Variants in AGBL4 observed in about 807,000 individuals in gnomAD.
AGBL4 encodes the protein AGBL carboxypeptidase 4, also known as cytosolic carboxypeptidase 6.
In AGBL4, 58 loss-of-function variants were observed where a neutral mutation model predicts 66.4. That is an observed-to-expected ratio of 0.87 (90% CI 0.71 to 1.09). AGBL4 has a LOEUF of 1.09. Among genes scored for constraint, AGBL4 ranks in the 50% least tolerant of loss-of-function variants. The pLI is 0.00. For missense variants in AGBL4, 579 were observed against 631.0 expected (o/e 0.92, Z 0.88); for synonymous variants, 234 against 222.9 (o/e 1.05, Z -0.44).
At chr1:49,916,852 C>T (rs1390917384) in intron 1 of AGBL4, among the ~76,000 whole-genome samples, 2 of 152,152 alleles carry the variant, frequency 1.3e-5, no homozygotes, top group East Asian at 3.8e-4. Flanking sequence ...AGGTTACCCA[C>T]AAAGGGAAGC....
intron 6 of AGBL4, among the ~76,000 whole-genome samples, chr1:48,770,184 T>G (rs1644742675): frequency 6.6e-6 from 1 of 152,232 alleles, no homozygotes. Flanking sequence ...TCCTCTGTGG[T>G]GCAAAACTGA....
chr1:49,675,338 T>C (rs1646558790), intron 3 of AGBL4, among the ~76,000 whole-genome samples: 1 of 152,098 alleles, frequency 6.6e-6, no homozygotes, highest in South Asian at 2.1e-4. Flanking sequence ...AAATACTGTA[T>C]ATTCTCATTT....
intron 1 of AGBL4, among the ~76,000 whole-genome samples, chr1:49,924,134 A>G (rs1652534582): frequency 6.6e-6 from 1 of 152,152 alleles, no homozygotes; most frequent in Admixed American, 6.6e-5. Flanking sequence ...AATACTATGC[A>G]TGCAGGGACA....
intron 5 of AGBL4, among the ~76,000 whole-genome samples, chr1:48,943,732 A>G (rs2148918333): frequency 6.6e-6 from 1 of 152,164 alleles, no homozygotes; most frequent in South Asian, 2.1e-4. Flanking sequence ...GAGGGGCACA[A>G]TGGGCTAACG....
intron 4 of AGBL4, among the ~76,000 whole-genome samples, chr1:49,154,282 G>T (rs998908437): frequency 6.6e-6 from 1 of 151,730 alleles, no homozygotes; most frequent in Non-Finnish European, 1.5e-5. Context: ...GGAAAACAGG[G>T]AAAGTAACAG....
chr1:48,738,831 A>G (rs1245973012), intron 6 of AGBL4, among the ~76,000 whole-genome samples: 1 of 152,138 alleles, frequency 6.6e-6, no homozygotes, highest in Non-Finnish European at 1.5e-5. Flanking sequence ...TTCACGTACA[A>G]TGAACCAGGT....
intron 4 of AGBL4, among the ~76,000 whole-genome samples, chr1:49,145,449 AT>A (rs1646199616): frequency 6.6e-6 from 1 of 152,156 alleles, no homozygotes; most frequent in Admixed American, 6.5e-5. Flanking sequence ...TCTATTGATC[AT>A]TTTGTATGTG....
At chr1:49,399,945 C>T (rs758561191) in intron 3 of AGBL4, among the ~76,000 whole-genome samples, 1 of 151,826 alleles carries the variant, frequency 6.6e-6, no homozygotes, top group Non-Finnish European at 1.5e-5. Context: ...AGAGTTTACC[C>T]GATTTTTTCT....
intron 7 of AGBL4, among the ~76,000 whole-genome samples, chr1:48,654,202 C>T (rs1350835718): frequency 6.6e-6 from 1 of 152,180 alleles, no homozygotes. Flanking sequence ...TTCTCCATCC[C>T]ACTGCCTGTC....
Position 48,590,895 on chromosome 1 carries a change from G to A in AGBL4, c.1042C>T (p.Arg348Trp), listed in dbSNP as rs376731078. 40 of 1,608,334 alleles carry A rather than the reference G, an allele frequency of 2.5e-5. No homozygotes were observed. In the Middle Eastern group the frequency reaches 4.9e-4, roughly 20 times the overall value. ...GGAAAAATGGCCTGCCTCTGGAACC[G>A]TTCCTCATCCTCAAAGATGTTGCCA... ...MYGNIFEDEE[R>W]FQRQAIFPKL... is the part of the protein sequence containing the mutation. Residue 348 changes from arginine (R) to tryptophan (W), a missense_variant, in exon 10 of 14, where the codon CGG (arginine) becomes TGG (tryptophan). Transcript: ENST00000371839.
At chr1:49,123,378 T>C (rs1226648934) in intron 4 of AGBL4, among the ~76,000 whole-genome samples, 1 of 152,182 alleles carries the variant, frequency 6.6e-6, no homozygotes, top group African/African-American at 2.4e-5. Context: ...CAAGCTTAAG[T>C]AACTTGCCAC....
chr1:49,273,518 T>C lies in AGBL4; in HGVS notation c.283-27654A>G, dbSNP rs145939689. Among the ~76,000 whole-genome samples the C allele has an allele frequency of 3.8e-3, 573 of 150,544 alleles. 4 individuals carry two copies. The highest frequency in any genetic ancestry group is 0.013 in the African/African-American group (544 of 41,360). On this transcript the variant is annotated intron_variant, in intron 3 of 13. Coordinates refer to ENST00000371839, the MANE Select transcript of AGBL4 (RefSeq NM_032785.4). ...TTATACAAGAGTTTATCAAAATCTCTTGTGTATATTCAAAACTCATTAAAA... is the reference window on the plus strand; with the variant it reads ...TTATACAAGAGTTTATCAAAATCTCCTGTGTATATTCAAAACTCATTAAAA...
At chr1:49,659,042 A>G (rs1646214919) in intron 3 of AGBL4, among the ~76,000 whole-genome samples, 1 of 152,102 alleles carries the variant, frequency 6.6e-6, no homozygotes. Flanking sequence ...TTTCAACCTA[A>G]AATTGTATAT....
chr1:49,003,741 C>G (rs1661569253), intron 5 of AGBL4, among the ~76,000 whole-genome samples: 1 of 152,122 alleles, frequency 6.6e-6, no homozygotes, highest in Non-Finnish European at 1.5e-5. Flanking sequence ...GTTGTTTTAG[C>G]CATCTCTCTT....
At chr1:49,602,436 C>T (rs1331998896) in intron 3 of AGBL4, among the ~76,000 whole-genome samples, 1 of 152,070 alleles carries the variant, frequency 6.6e-6, no homozygotes, top group Non-Finnish European at 1.5e-5. Context: ...AGACTTGGAA[C>T]CAACCCAAAT....
intron 6 of AGBL4, among the ~76,000 whole-genome samples, chr1:48,689,076 C>T (rs555057904): frequency 6.6e-6 from 1 of 151,758 alleles, no homozygotes; most frequent in East Asian, 1.9e-4. Context: ...CTTAGCTGGG[C>T]TGTGGTGGTG....
At chr1:48,788,968 C>T (rs1050430554) in intron 6 of AGBL4, among the ~76,000 whole-genome samples, 5 of 152,114 alleles carry the variant, frequency 3.3e-5, no homozygotes, top group African/African-American at 1.2e-4. Context: ...AAGAAGAGGA[C>T]TAAAATCTAT....
At chr1:48,719,083 C>G (rs1011502646) in intron 6 of AGBL4, among the ~76,000 whole-genome samples, 1 of 152,210 alleles carries the variant, frequency 6.6e-6, no homozygotes, top group Non-Finnish European at 1.5e-5. Flanking sequence ...TCTTTTACTC[C>G]ACATCCCATG....
At chr1:49,948,233 AATAT>A (rs1197551703) in intron 1 of AGBL4, among the ~76,000 whole-genome samples, 3 of 97,954 alleles carry the variant, frequency 3.1e-5, no homozygotes, top group Non-Finnish European at 5.2e-5. Flanking sequence ...AATATATATA[AATAT>A]ATAAATAAAT....
Sources: gnomAD v4.1 joint callset for allele counts (sites outside exome capture counted in the v4.1 genomes callset) on GRCh38, gnomAD v4.1.1 for gene constraint, MANE v1.5 for transcripts, NCBI Gene and HGNC (gene_info 2026-07-23, HGNC 2026-07-21) for gene names.